Variants in KIF6 observed in about 807,000 individuals in gnomAD.
KIF6 encodes kinesin-like protein KIF6.
KIF6 carries 106 observed loss-of-function variants against 112.7 expected under a neutral mutation model. The observed-to-expected ratio is 0.94, with a 90% CI of 0.80 to 1.11. The LOEUF (loss-of-function observed/expected upper bound fraction) is 1.11. Among genes scored for constraint, KIF6 ranks in the 50% least tolerant of loss-of-function variants. The pLI is 0.00. For synonymous variants in KIF6, 339 were observed against 339.9 expected (o/e 1.00, Z 0.03); for missense variants, 929 against 964.0 (o/e 0.96, Z 0.48).
intron 13 of KIF6, among the ~76,000 whole-genome samples, chr6:39,516,441 CTAATA>C (rs1175311612): frequency 1.4e-5 from 2 of 146,748 alleles, no homozygotes; most frequent in African/African-American, 2.5e-5. Context: ...TATAAAATAT[CTAATA>C]TATTATTTAT....
At chr6:39,607,488 G>A (rs994357509) in intron 6 of KIF6, among the ~76,000 whole-genome samples, 3 of 152,142 alleles carry the variant, frequency 2.0e-5, no homozygotes, top group Non-Finnish European at 4.4e-5. Flanking sequence ...TAGTAGGTAT[G>A]TATAATAGAT....
intron 3 of KIF6, among the ~76,000 whole-genome samples, chr6:39,672,851 G>A (rs965018990): frequency 4.6e-5 from 7 of 152,150 alleles, no homozygotes; most frequent in African/African-American, 1.7e-4. Context: ...TCACACTGGG[G>A]GTTAGGACTT....
At chr6:39,416,505 T>A (rs968640054) in intron 15 of KIF6, among the ~76,000 whole-genome samples, 3 of 152,194 alleles carry the variant, frequency 2.0e-5, no homozygotes, top group South Asian at 4.1e-4. Context: ...AGATTTTAAA[T>A]TGGTTACTCC....
intron 15 of KIF6, among the ~76,000 whole-genome samples, chr6:39,407,335 T>G (rs1460473717): frequency 1.3e-5 from 2 of 152,228 alleles, no homozygotes; most frequent in Non-Finnish European, 2.9e-5. Context: ...CTTTATATCT[T>G]TGATGTCCCT....
chr6:39,487,436 T>C (rs1410937857), intron 13 of KIF6, among the ~76,000 whole-genome samples: 1 of 152,142 alleles, frequency 6.6e-6, no homozygotes, highest in Non-Finnish European at 1.5e-5. Flanking sequence ...TACCCTAACA[T>C]GGGCCAGCTC....
At chr6:39,486,330 AG>A (rs1340374963) in intron 13 of KIF6, among the ~76,000 whole-genome samples, 10 of 152,166 alleles carry the variant, frequency 6.6e-5, no homozygotes, top group Non-Finnish European at 1.5e-4. Flanking sequence ...AGAGAGACAG[AG>A]GGAACCTGCA....
At chr6:39,485,004 T>C (rs1267891790) in intron 13 of KIF6, among the ~76,000 whole-genome samples, 1 of 152,342 alleles carries the variant, frequency 6.6e-6, no homozygotes, top group East Asian at 1.9e-4. Context: ...CAATTCATTG[T>C]CATCTCCCCC....
intron 13 of KIF6, among the ~76,000 whole-genome samples, chr6:39,519,681 G>A (rs1393611744): frequency 1.0e-5 from 1 of 99,846 alleles, no homozygotes; most frequent in Non-Finnish European, 2.0e-5. Context: ...AAGATCAACT[G>A]CCCCCACATC....
At chr6:39,513,186 G>A (rs1367564118) in intron 13 of KIF6, among the ~76,000 whole-genome samples, 1 of 152,160 alleles carries the variant, frequency 6.6e-6, no homozygotes, top group Non-Finnish European at 1.5e-5. Flanking sequence ...AGATCCTACA[G>A]CAAATGGTCT....
intron 13 of KIF6, among the ~76,000 whole-genome samples, chr6:39,492,646 T>TCC (rs1775541344): frequency 6.6e-6 from 1 of 152,168 alleles, no homozygotes; most frequent in African/African-American, 2.4e-5. Flanking sequence ...GTTGTGTGCC[T>TCC]CCCCCTTCCT....
intron 13 of KIF6, among the ~76,000 whole-genome samples, chr6:39,519,475 C>A (rs906539592): frequency 1.3e-5 from 2 of 152,118 alleles, no homozygotes; most frequent in Non-Finnish European, 1.5e-5. Context: ...GGCAGGTTTT[C>A]CTACGGTGTT....
chr6:39,590,234 C>T (rs1374598021), intron 7 of KIF6, among the ~76,000 whole-genome samples: 1 of 152,046 alleles, frequency 6.6e-6, no homozygotes, highest in Non-Finnish European at 1.5e-5. Context: ...GACAGTGTGG[C>T]ATTATTGCTT....
chr6:39,481,063 C>T (rs1338781979), intron 13 of KIF6, among the ~76,000 whole-genome samples: 2 of 151,954 alleles, frequency 1.3e-5, no homozygotes, highest in East Asian at 1.9e-4. Flanking sequence ...TTTAGTTCTG[C>T]TCTGATCTTA....
chr6:39,719,626 G>C (rs964936918), intron 2 of KIF6, among the ~76,000 whole-genome samples: 9 of 152,254 alleles, frequency 5.9e-5, no homozygotes, highest in Non-Finnish European at 1.2e-4. Context: ...ATGTGAAATA[G>C]CTATACTCCC....
intron 3 of KIF6, among the ~76,000 whole-genome samples, chr6:39,687,072 A>G (rs1787913816): frequency 6.6e-6 from 1 of 152,204 alleles, no homozygotes; most frequent in Admixed American, 6.5e-5. Context: ...GGATACCTAG[A>G]GTCCAGAATC....
chr6:39,694,350 G>A (rs1291836032), intron 3 of KIF6, among the ~76,000 whole-genome samples: 6 of 152,020 alleles, frequency 3.9e-5, no homozygotes, highest in East Asian at 1.9e-4. Context: ...AATAAAAGGC[G>A]TCCAAACAGA....
At chr6:39,648,583 T>C (rs1785298510) in intron 3 of KIF6, among the ~76,000 whole-genome samples, 1 of 152,216 alleles carries the variant, frequency 6.6e-6, no homozygotes, top group African/African-American at 2.4e-5. Flanking sequence ...TAAATTTGAA[T>C]GCCTTTTTGC....
chr6:39,635,097 A>C, intron 4 of KIF6, 139 bp from the exon 5 acceptor site: 1 of 581,094 alleles, frequency 1.7e-6, no homozygotes, highest in Non-Finnish European at 3.0e-6. Context: ...TTTTCAGTTC[A>C]TGACACTTTC....
At chr6:39,662,532 C>T (rs1442857267) in intron 3 of KIF6, among the ~76,000 whole-genome samples, 1 of 152,054 alleles carries the variant, frequency 6.6e-6, no homozygotes, top group African/African-American at 2.4e-5. Flanking sequence ...AAAATAGTCT[C>T]ATAAGATTTG....
Sources: gnomAD v4.1 joint callset for allele counts (sites outside exome capture counted in the v4.1 genomes callset) on GRCh38, gnomAD v4.1.1 for gene constraint, MANE v1.5 for transcripts, NCBI Gene and HGNC (gene_info 2026-07-23, HGNC 2026-07-21) for gene names.